Variants in CADM2 observed in about 807,000 individuals in gnomAD.
CADM2 encodes cell adhesion molecule 2, also known as immunoglobulin superfamily member 4D.
Under a neutral mutation model 49.8 loss-of-function variants are expected in CADM2, and 12 were observed. The observed-to-expected ratio is 0.24, with a 90% CI of 0.15 to 0.39. The LOEUF (loss-of-function observed/expected upper bound fraction) is 0.39. CADM2 is among the 10% of genes least tolerant of loss of function. CADM2 has a pLI of 1.00. For synonymous variants in CADM2, 214 were observed against 175.4 expected (o/e 1.22, Z -1.74); for missense variants, 378 against 492.3 (o/e 0.77, Z 2.20).
At chr3:85,789,159 C>G (rs2108023738) in intron 2 of CADM2, among the ~76,000 whole-genome samples, 1 of 152,212 alleles carries the variant, frequency 6.6e-6, no homozygotes, top group South Asian at 2.1e-4. Flanking sequence ...CACCCTCTCT[C>G]CAGAAGAGTC....
chr3:85,337,341 C>T (rs2045117788), intron 1 of CADM2, among the ~76,000 whole-genome samples: 1 of 151,148 alleles, frequency 6.6e-6, no homozygotes, highest in African/African-American at 2.4e-5. Context: ...TTTATACTTT[C>T]TCGTATTTCT....
At chr3:85,622,929 C>A (rs766994502) in intron 1 of CADM2, among the ~76,000 whole-genome samples, 11 of 152,096 alleles carry the variant, frequency 7.2e-5, no homozygotes, top group Non-Finnish European at 1.3e-4. Flanking sequence ...GGTTTGGGAT[C>A]ATGTTTGTCC....
chr3:86,056,833 A>G (rs5014408), intron 8 of CADM2, among the ~76,000 whole-genome samples: 7,353 of 152,278 alleles, frequency 0.048, 388 homozygotes, highest in African/African-American at 0.14. Context: ...TCTTACAGAT[A>G]TAAACATGTG....
intron 1 of CADM2, among the ~76,000 whole-genome samples, chr3:85,420,907 G>T (rs902262027): frequency 3.0e-4 from 46 of 152,102 alleles, no homozygotes; most frequent in Admixed American, 1.8e-3. Context: ...AATTGAGTGG[G>T]AGTTCTGTGA....
At chr3:85,373,201 C>G (rs937224559) in intron 1 of CADM2, among the ~76,000 whole-genome samples, 1 of 152,104 alleles carries the variant, frequency 6.6e-6, no homozygotes, top group Non-Finnish European at 1.5e-5. Context: ...TTTCTAGATA[C>G]GATGGGGCTA....
chr3:85,841,332 G>A (rs1373232078), intron 3 of CADM2, among the ~76,000 whole-genome samples: 2 of 151,782 alleles, frequency 1.3e-5, no homozygotes, highest in East Asian at 3.9e-4. Context: ...GAGGAGTCAC[G>A]AGCCCAGTGC....
At chr3:85,716,994 C>T (rs2067317588) in intron 1 of CADM2, among the ~76,000 whole-genome samples, 1 of 151,968 alleles carries the variant, frequency 6.6e-6, no homozygotes, top group African/African-American at 2.4e-5. Flanking sequence ...TTTTTGGTTC[C>T]ATATCAAATT....
chr3:85,674,004 CCT>C (rs1302964108), intron 1 of CADM2, among the ~76,000 whole-genome samples: 1 of 152,150 alleles, frequency 6.6e-6, no homozygotes, highest in Non-Finnish European at 1.5e-5. Context: ...AATCCACTGT[CCT>C]CTGTTTCTCC....
At chr3:86,057,619 A>T (rs1270506268) in intron 8 of CADM2, among the ~76,000 whole-genome samples, 1 of 152,198 alleles carries the variant, frequency 6.6e-6, no homozygotes, top group Non-Finnish European at 1.5e-5. Context: ...CTTCAAGAAA[A>T]CATATCTTTG....
intron 1 of CADM2, among the ~76,000 whole-genome samples, chr3:85,411,081 T>C (rs2035634877): frequency 6.6e-6 from 1 of 152,244 alleles, no homozygotes; most frequent in Admixed American, 6.5e-5. Flanking sequence ...AAATGCATTC[T>C]GTCTTTGAAA....
chr3:85,963,737 CA>C (rs1445501750), intron 8 of CADM2, among the ~76,000 whole-genome samples: 1 of 151,798 alleles, frequency 6.6e-6, no homozygotes, highest in Non-Finnish European at 1.5e-5. Context: ...GCAAGCTAGC[CA>C]ACAGCATGAT....
Position 85,553,658 on chromosome 3 carries a change from G to T in CADM2, c.62-172864G>T, listed in dbSNP as rs2029133. Among the ~76,000 whole-genome samples, 10 of 152,116 alleles carry T rather than the reference G, an allele frequency of 6.6e-5. No individual in the cohort carries two copies. The East Asian group carries it at 1.2e-3, about 18-fold the overall frequency. ...AAGAGTATTTTTGAAAATATCTCCC[G>T]TTCAGCACTTACTACCAGAGATTCT... On this transcript the variant is annotated intron_variant, in intron 1 of 9. Transcript: ENST00000383699.
intron 1 of CADM2, among the ~76,000 whole-genome samples, chr3:85,076,567 G>T (rs1178657672): frequency 6.6e-6 from 1 of 151,744 alleles, no homozygotes; most frequent in African/African-American, 2.4e-5. Flanking sequence ...GGCTGGTCTC[G>T]AACTCCTGAC....
intron 8 of CADM2, among the ~76,000 whole-genome samples, chr3:86,025,390 CTT>C (rs1300258998): frequency 2.6e-5 from 4 of 151,960 alleles, no homozygotes; most frequent in Non-Finnish European, 4.4e-5. Flanking sequence ...TGAAAATACT[CTT>C]TTGTTATAAG....
chr3:86,052,966 C>A (rs1218520946), intron 8 of CADM2, among the ~76,000 whole-genome samples: 3 of 152,190 alleles, frequency 2.0e-5, no homozygotes, highest in African/African-American at 4.8e-5. Context: ...TCACTACATT[C>A]TTAATGATAA....
chr3:85,056,509 G>T (rs1420401452), intron 1 of CADM2, among the ~76,000 whole-genome samples: 1 of 151,924 alleles, frequency 6.6e-6, no homozygotes, highest in Non-Finnish European at 1.5e-5. Context: ...ATGTTAACAG[G>T]GTTTCACAGA....
At chr3:86,015,120 T>TA (rs1732049632) in intron 8 of CADM2, 4 of 536,646 alleles carry the variant, frequency 7.5e-6, no homozygotes, top group Non-Finnish European at 1.3e-5. Flanking sequence ...CGAAAATACC[T>TA]AGGAGAGTTT....
chr3:85,512,790 A>G (rs920194086), intron 1 of CADM2, among the ~76,000 whole-genome samples: 2 of 103,672 alleles, frequency 1.9e-5, no homozygotes, highest in Admixed American at 2.1e-4. Flanking sequence ...ATTGAGGACT[A>G]TTAATAAATA....
chr3:84,990,066 A>G (rs2032794729), intron 1 of CADM2, among the ~76,000 whole-genome samples: 1 of 151,818 alleles, frequency 6.6e-6, no homozygotes, highest in African/African-American at 2.4e-5. Context: ...ATATTCTACT[A>G]AAGAGGCATT....
Sources: gnomAD v4.1 joint callset for allele counts (sites outside exome capture counted in the v4.1 genomes callset) on GRCh38, gnomAD v4.1.1 for gene constraint, MANE v1.5 for transcripts, NCBI Gene and HGNC (gene_info 2026-07-23, HGNC 2026-07-21) for gene names.